HSF1: variants seen among roughly 807,000 people sequenced by gnomAD.
HSF1 encodes the protein heat shock factor protein 1.
HSF1 carries 32 observed loss-of-function variants against 51.7 expected under a neutral mutation model. The ratio of observed to expected loss-of-function variants is 0.62; its 90% CI spans 0.47 to 0.83. HSF1 has a LOEUF of 0.83. HSF1 is among the 40% of genes least tolerant of loss of function. The pLI is 0.00. For missense variants in HSF1, 727 were observed against 717.0 expected (o/e 1.01, Z -0.16); for synonymous variants, 396 against 309.7 (o/e 1.28, Z -2.92).
rs948132913 is a variant in HSF1 at position 144,312,822 on chromosome 8, G to A, written c.1142+578G>A. On this transcript the variant is annotated intron_variant, in intron 9 of 12. Transcript: ENST00000528838. ...CCGGGCATGAGCGTCGGGCCTGGGC[G>A]GCAGCAGCCGAGACCCCTCTGTGGC... is the stretch of plus-strand genomic sequence containing the variant. 60 of 981,630 alleles carry A rather than the reference G, an allele frequency of 6.1e-5. 1 individual carries two copies. The East Asian group carries it at 1.3e-3, about 21-fold the overall frequency. The allele number at this position is 981,630 out of a possible 1,614,324, so 60.8% of individuals were successfully genotyped here.
chr8:144,303,605 C>T (rs1554842760), intron 1 of HSF1, among the ~76,000 whole-genome samples: 1 of 152,162 alleles, frequency 6.6e-6, no homozygotes, highest in African/African-American at 2.4e-5. Flanking sequence ...AGGCCAGGCA[C>T]AGTGGCTCAT....
intron 1 of HSF1, among the ~76,000 whole-genome samples, chr8:144,296,788 CAG>C (rs372496685): frequency 1.4e-5 from 2 of 140,352 alleles, no homozygotes; most frequent in African/African-American, 5.4e-5. Flanking sequence ...GCCTGGGTGA[CAG>C]AGCGGGACTC....
intron 1 of HSF1, among the ~76,000 whole-genome samples, chr8:144,301,045 T>G (rs1815828146): frequency 6.6e-6 from 1 of 152,194 alleles, no homozygotes; most frequent in Non-Finnish European, 1.5e-5. Context: ...TGCAAAAACT[T>G]AGCCGAGCTT....
rs552649671 is a variant in HSF1 at position 144,313,949 on chromosome 8, A to C, written c.1315-36A>C. On this transcript the variant is annotated intron_variant, in intron 11 of 12. Transcript: ENST00000528838. ...GCGGGGGGTGAGGGGGAACGAGACC[A>C]GCGGGAGTGCTCACAATACCGTCTC... 2,539 of 1,610,320 alleles carry C rather than the reference A, an allele frequency of 1.6e-3. 6 individuals are homozygous for C. Among genetic ancestry groups the C allele is most frequent in the Non-Finnish European group, 1.8e-3 (2,155 of 1,179,118 alleles).
At chr8:144,308,744 C>G (rs879963945) in intron 1 of HSF1, among the ~76,000 whole-genome samples, 162 bp from the exon 2 acceptor site, 4 of 152,316 alleles carry the variant, frequency 2.6e-5, no homozygotes, top group Non-Finnish European at 4.4e-5. Flanking sequence ...GTCCCAGGAA[C>G]GAACTCGCCT....
In HSF1 at chr8:144,312,263, T is replaced by G; in HGVS notation, c.1142+19T>G. On this transcript the variant is annotated intron_variant, in intron 9 of 12. Transcript: ENST00000528838. The stretch of plus-strand genomic sequence containing the variant: ...TGGACAAGTGAGTGCCGCCCACCCC[T>G]GGCCCCACCCACAGCGCCTGGACGC... The G allele has an allele frequency of 1.2e-6, 1 of 840,452 alleles. No homozygotes were observed. The highest frequency in any genetic ancestry group is 1.7e-6 in the Non-Finnish European group (1 of 589,336). The allele number at this position is 840,452 out of a possible 1,614,324, so 52.1% of individuals were successfully genotyped here. A position where few individuals can be genotyped will look rare whatever the true frequency, so the allele number is the denominator to read the frequency against.
intron 1 of HSF1, among the ~76,000 whole-genome samples, chr8:144,298,274 C>T (rs1451340385): frequency 6.6e-6 from 1 of 152,062 alleles, no homozygotes; most frequent in East Asian, 1.9e-4. Context: ...ACCCTTAAGG[C>T]ATAAGAAGCC....
At chr8:144,308,126 C>T (rs1402443480) in intron 1 of HSF1, among the ~76,000 whole-genome samples, 1 of 152,244 alleles carries the variant, frequency 6.6e-6, no homozygotes, top group African/African-American at 2.4e-5. Context: ...CACTGCCCTT[C>T]ACCAGTTTCT....
At chr8:144,310,149 G>A in intron 4 of HSF1, 1 of 478,144 alleles carries the variant, frequency 2.1e-6, no homozygotes, top group Non-Finnish European at 3.7e-6. Context: ...AGCGCCCTCT[G>A]GGCCATTGGC....
In HSF1 at chr8:144,309,539, TC is replaced by T; in HGVS notation, c.313del (p.Leu105CysfsTer15). On this transcript the variant is annotated frameshift_variant, in exon 3 of 13. Transcript: ENST00000528838. LOFTEE classifies it high-confidence loss of function. Reference protein sequence around the residue: ...RDDTEFQHPCFLRGQEQLLEN... With the variant: ...RDDTEFQHPCXLRGQEQLLEN... ...GACACGGAGTTCCAGCACCCATGCTTCCTGCGTGGCCAGGAGCAGCTCCTTG... is the reference window on the plus strand; with the variant it reads ...GACACGGAGTTCCAGCACCCATGCTTCTGCGTGGCCAGGAGCAGCTCCTTG... The T allele has an allele frequency of 6.2e-7, 1 of 1,614,008 alleles. No homozygotes were observed. The highest frequency in any genetic ancestry group is 8.5e-7 in the Non-Finnish European group (1 of 1,179,990).
intron 1 of HSF1, among the ~76,000 whole-genome samples, chr8:144,298,815 G>T (rs1447726275): frequency 6.6e-6 from 1 of 152,330 alleles, no homozygotes; most frequent in African/African-American, 2.4e-5. Context: ...ATCTGCGCGT[G>T]AGCCCGCTTG....
At chr8:144,293,251 T>C (rs1815224106) in intron 1 of HSF1, among the ~76,000 whole-genome samples, 1 of 152,226 alleles carries the variant, frequency 6.6e-6, no homozygotes, top group Non-Finnish European at 1.5e-5. Flanking sequence ...ATCTTTGCTC[T>C]TGTTAGAAAC....
At chr8:144,309,701 G>A (rs1816475084) in intron 3 of HSF1, 71 bp from the exon 4 acceptor site, 6 of 1,596,564 alleles carry the variant, frequency 3.8e-6, no homozygotes, top group African/African-American at 1.4e-5. Context: ...GGACCTGGCT[G>A]CAGTGGACGA....
chr8:144,304,218 G>T (rs1816073562), intron 1 of HSF1, among the ~76,000 whole-genome samples: 1 of 152,224 alleles, frequency 6.6e-6, no homozygotes, highest in Non-Finnish European at 1.5e-5. Context: ...GGGTGAGAGG[G>T]AAAGAGGAGG....
chr8:144,300,707 T>G (rs1302119781), intron 1 of HSF1, among the ~76,000 whole-genome samples: 1 of 152,022 alleles, frequency 6.6e-6, no homozygotes, highest in Non-Finnish European at 1.5e-5. Flanking sequence ...GGTGCCAGAG[T>G]CAGTGGGACT....
intron 1 of HSF1, among the ~76,000 whole-genome samples, chr8:144,303,871 A>G (rs1816050762): frequency 6.6e-6 from 1 of 152,132 alleles, no homozygotes. Flanking sequence ...GCGAGACTCC[A>G]TATAAAAAAT....
At chr8:144,300,809 G>T (rs4588894) in intron 1 of HSF1, among the ~76,000 whole-genome samples, 4 of 151,700 alleles carry the variant, frequency 2.6e-5, no homozygotes, top group Admixed American at 1.3e-4. Flanking sequence ...TTAGAATGTG[G>T]GTCCTAGTTA....
Position 144,297,877 on chromosome 8 carries a change from C to G in HSF1, c.117+6003C>G, listed in dbSNP as rs1221124015. Among the ~76,000 whole-genome samples, 1 of 152,184 alleles carries G rather than the reference C, an allele frequency of 6.6e-6. No individual in the cohort carries two copies. The highest frequency in any genetic ancestry group is 1.9e-4 in the East Asian group (1 of 5,192). On this transcript the variant is annotated intron_variant, in intron 1 of 12. Transcript: ENST00000528838. The surrounding 1 kb of genome is among the most constrained non-coding windows in gnomAD (Gnocchi z 4.6). Reference sequence around the variant, plus strand: ...CCAGGGAGCCCTTTGAGAAGATACTCAGAGACACAGACACTTTCTATGTAA... The same window carrying G: ...CCAGGGAGCCCTTTGAGAAGATACTGAGAGACACAGACACTTTCTATGTAA...
Position 144,314,333 on chromosome 8 carries a change from G to GC in HSF1, c.*7dup. 6.5e-7 allele frequency: 1 copy of GC among 1,544,398 alleles called. No individual in the cohort carries two copies. Among genetic ancestry groups the GC allele is most frequent in the South Asian group, 1.2e-5 (1 of 83,970 alleles). ...CCAAGGACCCCACTGTCTCCTAGAG[G>GC]CCCCGGAGGAGCTGGGCCAGCCGCC... On this transcript the variant is annotated 3_prime_UTR_variant, in exon 13 of 13. Transcript: ENST00000528838.
Sources: gnomAD v4.1 joint callset for allele counts (sites outside exome capture counted in the v4.1 genomes callset) on GRCh38, gnomAD v4.1.1 for gene constraint, Gnocchi (gnomAD v3.1) non-coding constraint, MANE v1.5 for transcripts, NCBI Gene and HGNC (gene_info 2026-07-23, HGNC 2026-07-21) for gene names.